The following TENM3 variants were observed in gnomAD, a reference collection of about 807,000 sequenced individuals.
TENM3 encodes teneurin-3.
In TENM3, 63 loss-of-function variants were observed where a neutral mutation model predicts 255.1. The observed-to-expected ratio is 0.25, with a 90% confidence interval of 0.20 to 0.30. TENM3 has a LOEUF of 0.30. Among genes scored for constraint, TENM3 ranks in the 10% least tolerant of loss-of-function variants. TENM3 has a pLI of 1.00. For missense variants in TENM3, 2,929 were observed against 3,461.1 expected (o/e 0.85, Z 3.86); for synonymous variants, 1,306 against 1,322.3 (o/e 0.99, Z 0.27).
chr4:181,557,561 C>T, the TENM3 span, among the ~76,000 whole-genome samples: 1 of 152,142 alleles, frequency 6.6e-6, no homozygotes, highest in Admixed American at 6.5e-5. Flanking sequence ...GGGTCTCACT[C>T]TATTGCTCAG....
At chr4:181,698,934 G>A in the TENM3 span, among the ~76,000 whole-genome samples, 7 of 152,308 alleles carry the variant, frequency 4.6e-5, no homozygotes, top group Admixed American at 2.0e-4. Flanking sequence ...AAATGAAGAT[G>A]ACATTTAACT....
chr4:181,999,711 T>C, the TENM3 span, among the ~76,000 whole-genome samples: 1 of 152,264 alleles, frequency 6.6e-6, no homozygotes, highest in East Asian at 1.9e-4. Context: ...CTTTTCAAAA[T>C]ACAGCCCATC....
At chr4:181,764,327 T>C in the TENM3 span, among the ~76,000 whole-genome samples, 6 of 152,286 alleles carry the variant, frequency 3.9e-5, no homozygotes, top group South Asian at 1.2e-3. Context: ...TCTCACACTT[T>C]CCTTTGATTT....
chr4:182,069,089 C>G, the TENM3 span, among the ~76,000 whole-genome samples: 1 of 151,836 alleles, frequency 6.6e-6, no homozygotes, highest in African/African-American at 2.4e-5. Context: ...AGAAAAAAAC[C>G]TTCATGAGTG....
intron 3 of TENM3, among the ~76,000 whole-genome samples, chr4:182,494,414 C>T (rs1345054674): frequency 6.6e-6 from 1 of 152,058 alleles, no homozygotes; most frequent in Non-Finnish European, 1.5e-5. Context: ...TATAATTGTT[C>T]TATTTTATTA....
chr4:181,650,565 T>C, the TENM3 span, among the ~76,000 whole-genome samples: 2 of 152,194 alleles, frequency 1.3e-5, no homozygotes, highest in East Asian at 1.9e-4. Context: ...TTTGTTTCCT[T>C]GTCACCTGTA....
At chr4:181,768,191 A>G in the TENM3 span, among the ~76,000 whole-genome samples, 2 of 152,220 alleles carry the variant, frequency 1.3e-5, no homozygotes, top group African/African-American at 2.4e-5. Flanking sequence ...GTAGTTCTCA[A>G]TAAGGGGCAA....
At chr4:181,933,109 C>T in the TENM3 span, among the ~76,000 whole-genome samples, 2 of 152,066 alleles carry the variant, frequency 1.3e-5, no homozygotes, top group Admixed American at 6.6e-5. Flanking sequence ...CACCTGCATA[C>T]CTATATAACA....
At chr4:182,177,958 G>GTTTT (rs56256529) in intron 1 of TENM3, among the ~76,000 whole-genome samples, 4 of 117,124 alleles carry the variant, frequency 3.4e-5, no homozygotes, top group South Asian at 3.0e-4. Context: ...TTTGGTTTTT[G>GTTTT]TTTTTTTTTT....
chr4:181,724,206 G>T, the TENM3 span, among the ~76,000 whole-genome samples: 1 of 152,194 alleles, frequency 6.6e-6, no homozygotes, highest in Non-Finnish European at 1.5e-5. Context: ...GGTAAGAAAT[G>T]ATTTGTTTTT....
At chr4:181,468,280 T>A in the TENM3 span, among the ~76,000 whole-genome samples, 1 of 152,020 alleles carries the variant, frequency 6.6e-6, no homozygotes, top group Non-Finnish European at 1.5e-5. Context: ...TCTCAAAAAA[T>A]TAAAATTAAA....
At chr4:181,818,310 G>C in the TENM3 span, among the ~76,000 whole-genome samples, 2 of 152,090 alleles carry the variant, frequency 1.3e-5, no homozygotes, top group Admixed American at 6.6e-5. Flanking sequence ...ATCTGAGTGG[G>C]CCTGATTCAA....
the TENM3 span, among the ~76,000 whole-genome samples, chr4:181,475,588 G>GA: frequency 6.6e-6 from 1 of 152,118 alleles, no homozygotes; most frequent in Non-Finnish European, 1.5e-5. Flanking sequence ...GAAAACTGCT[G>GA]AAAAATAATC....
At chr4:181,480,949 A>G in the TENM3 span, among the ~76,000 whole-genome samples, 1 of 151,648 alleles carries the variant, frequency 6.6e-6, no homozygotes, top group Non-Finnish European at 1.5e-5. Flanking sequence ...GGAAATAATT[A>G]TGTTTCAAAA....
chr4:182,573,641 C>T (rs575762983), intron 3 of TENM3, among the ~76,000 whole-genome samples: 17 of 152,190 alleles, frequency 1.1e-4, no homozygotes, highest in African/African-American at 1.9e-4. Context: ...AGCAACATGT[C>T]GGTTAAAATT....
intron 11 of TENM3, among the ~76,000 whole-genome samples, 186 bp downstream of exon 11, chr4:182,682,200 A>T (rs1756231620): frequency 6.6e-6 from 1 of 152,216 alleles, no homozygotes; most frequent in Non-Finnish European, 1.5e-5. Flanking sequence ...AGGCTTAGCC[A>T]GTTTGTCACT....
chr4:181,467,545 T>C, the TENM3 span, among the ~76,000 whole-genome samples: 2 of 152,046 alleles, frequency 1.3e-5, no homozygotes, highest in Non-Finnish European at 2.9e-5. Flanking sequence ...AATTAAAAAA[T>C]TTAGTATGGT....
chr4:181,760,348 T>C, the TENM3 span, among the ~76,000 whole-genome samples: 1 of 152,140 alleles, frequency 6.6e-6, no homozygotes, highest in Non-Finnish European at 1.5e-5. Context: ...CACTCCCCAC[T>C]CTATTGTTTT....
chr4:181,873,365 G>T, the TENM3 span, among the ~76,000 whole-genome samples: 1 of 151,812 alleles, frequency 6.6e-6, no homozygotes, highest in African/African-American at 2.4e-5. Flanking sequence ...CACCACGCCC[G>T]GCCTAATATA....
Sources: allele counts gnomAD v4.1 joint callset (sites outside exome capture counted in the v4.1 genomes callset), GRCh38; gene constraint gnomAD v4.1.1; transcripts MANE v1.5; gene names NCBI Gene and HGNC (gene_info 2026-07-23, HGNC 2026-07-21).